The following CTNNA2 variants were observed in gnomAD, a reference collection of about 807,000 sequenced individuals.
CTNNA2 encodes catenin alpha-2.
A neutral mutation model predicts 101.0 loss-of-function variants in CTNNA2; 42 were observed. The ratio of observed to expected loss-of-function variants is 0.42; its 90% confidence interval spans 0.32 to 0.54. The LOEUF (loss-of-function observed/expected upper bound fraction) is 0.54, where lower values mean the gene tolerates loss of function less well. Ranked by LOEUF, CTNNA2 falls within the 20% of genes least tolerant of loss-of-function variation. The probability of loss-of-function intolerance (pLI) is 0.14; values close to 1 mark genes in which losing one functional copy is unlikely to be tolerated. For missense variants in CTNNA2, 871 were observed against 1,223.1 expected, an observed-to-expected ratio of 0.71 and a Z score of 4.29; for synonymous variants, 450 against 456.4, an observed-to-expected ratio of 0.99 and a Z score of 0.18.
intron 2 of CTNNA2, among the ~76,000 whole-genome samples, chr2:79,710,761 G>A (rs1573754157): frequency 6.6e-6 from 1 of 152,136 alleles, no homozygotes; most frequent in East Asian, 1.9e-4. Flanking sequence ...GTGCATATGA[G>A]CTGTCTGTGA....
intron 8 of CTNNA2, among the ~76,000 whole-genome samples, chr2:80,401,504 C>A (rs1321395812): frequency 2.0e-5 from 3 of 152,268 alleles, no homozygotes; most frequent in Non-Finnish European, 1.5e-5. Flanking sequence ...ATATTTGACT[C>A]CATTTTGGGA....
At chr2:79,527,474 CA>C (rs58822666) in intron 1 of CTNNA2, among the ~76,000 whole-genome samples, 927 of 85,190 alleles carry the variant, frequency 0.011, 7 homozygotes, top group Middle Eastern at 0.026. Context: ...ACTAAAAATA[CA>C]AAAAAAAAAA....
chr2:79,792,275 A>C (rs1448877737), intron 3 of CTNNA2, among the ~76,000 whole-genome samples: 1 of 152,220 alleles, frequency 6.6e-6, no homozygotes. Context: ...ATGTTTGCAT[A>C]GTAAACAGCC....
At chr2:79,664,902 G>A (rs915509334) in intron 2 of CTNNA2, among the ~76,000 whole-genome samples, 15 of 151,756 alleles carry the variant, frequency 9.9e-5, no homozygotes, top group Admixed American at 3.9e-4. Flanking sequence ...TAGTAGAAAC[G>A]GGGTTTCACC....
intron 7 of CTNNA2, among the ~76,000 whole-genome samples, chr2:80,284,873 A>T (rs890209819): frequency 1.6e-4 from 25 of 152,060 alleles, no homozygotes; most frequent in African/African-American, 5.8e-4. Flanking sequence ...GTTGTTTATT[A>T]CTCCACATGG....
intron 3 of CTNNA2, among the ~76,000 whole-genome samples, chr2:79,753,743 T>C (rs1672200926): frequency 6.6e-6 from 1 of 152,222 alleles, no homozygotes; most frequent in African/African-American, 2.4e-5. Context: ...GACCATTTCC[T>C]AAATGAAAGT....
At chr2:80,377,765 G>A (rs1424127899) in intron 7 of CTNNA2, among the ~76,000 whole-genome samples, 1 of 152,214 alleles carries the variant, frequency 6.6e-6, no homozygotes, top group Non-Finnish European at 1.5e-5. Flanking sequence ...GGCTTTCCAT[G>A]GCGACACATG....
chr2:80,334,860 A>C (rs942593801), intron 7 of CTNNA2, among the ~76,000 whole-genome samples: 19 of 152,322 alleles, frequency 1.2e-4, no homozygotes, highest in African/African-American at 3.6e-4. Flanking sequence ...TTTAATGTTA[A>C]AACCAGGAAT....
chr2:80,289,450 A>C (rs545545957), intron 7 of CTNNA2, among the ~76,000 whole-genome samples: 2 of 152,280 alleles, frequency 1.3e-5, no homozygotes, highest in South Asian at 4.1e-4. Flanking sequence ...TAGTGTTCTC[A>C]TTAAAGAAAC....
intron 7 of CTNNA2, among the ~76,000 whole-genome samples, chr2:80,054,155 G>A (rs1697060529): frequency 6.6e-6 from 1 of 152,174 alleles, no homozygotes; most frequent in South Asian, 2.1e-4. Context: ...ATCAGATGGG[G>A]GTTTGATTGA....
At chr2:79,656,598 T>C (rs762802649) in intron 2 of CTNNA2, among the ~76,000 whole-genome samples, 41 of 152,104 alleles carry the variant, frequency 2.7e-4, no homozygotes, top group Non-Finnish European at 4.7e-4. Flanking sequence ...TAATGATATA[T>C]ATGAGGCCTA....
intron 2 of CTNNA2, among the ~76,000 whole-genome samples, chr2:79,712,599 C>A (rs1243760755): frequency 6.6e-6 from 1 of 151,880 alleles, no homozygotes; most frequent in Non-Finnish European, 1.5e-5. Context: ...AGTGTAAATT[C>A]ATTATGCAAT....
At chr2:79,954,800 G>A (rs1689113914) in intron 7 of CTNNA2, among the ~76,000 whole-genome samples, 1 of 152,094 alleles carries the variant, frequency 6.6e-6, no homozygotes, top group Non-Finnish European at 1.5e-5. Context: ...TTAGACCTGT[G>A]GGTTTTTTTC....
At chr2:80,235,656 G>A (rs1709511008) in intron 7 of CTNNA2, among the ~76,000 whole-genome samples, 1 of 152,158 alleles carries the variant, frequency 6.6e-6, no homozygotes, top group Non-Finnish European at 1.5e-5. Flanking sequence ...TGAAAACCCA[G>A]AGGAGCCCTG....
At chr2:79,465,543 A>T (rs1251774041) in intron 4 of CTNNA2, among the ~76,000 whole-genome samples, 3 of 152,102 alleles carry the variant, frequency 2.0e-5, no homozygotes, top group Admixed American at 6.5e-5. Flanking sequence ...CTTGATGGGG[A>T]TGGCATTGAA....
chr2:79,802,010 AAAATG>A (rs1676201056), intron 3 of CTNNA2, among the ~76,000 whole-genome samples: 1 of 150,982 alleles, frequency 6.6e-6, no homozygotes, highest in East Asian at 2.0e-4. Flanking sequence ...AAAAAAAAAA[AAAATG>A]AAAAAAGAAA....
At chr2:79,526,285 T>A (rs1452192978) in intron 1 of CTNNA2, among the ~76,000 whole-genome samples, 1 of 151,978 alleles carries the variant, frequency 6.6e-6, no homozygotes, top group East Asian at 1.9e-4. Context: ...CTCAAGAAAA[T>A]GCAAATACTT....
In CTNNA2 at chr2:80,587,255, A is replaced by G. The variant is rs144695444; in HGVS notation, c.2008-2049A>G. Among the ~76,000 whole-genome samples, 4 of 152,228 alleles carry G rather than the reference A, an allele frequency of 2.6e-5. 1 individual carries two copies. The East Asian group carries it at 7.7e-4, about 29-fold the overall frequency. On this transcript the variant is annotated intron_variant, in intron 14 of 18. Coordinates refer to ENST00000402739, the MANE Select transcript of CTNNA2 (RefSeq NM_001282597.3). ...TGACATACATAAGCCTCAGCACAGT[A>G]CCCAGTACTTGTGGATATACATAAG... is the stretch of plus-strand genomic sequence containing the variant.
chr2:79,462,908 C>T (rs1044966182), intron 4 of CTNNA2, among the ~76,000 whole-genome samples: 5 of 152,138 alleles, frequency 3.3e-5, no homozygotes, highest in African/African-American at 1.2e-4. Flanking sequence ...TGAGTGGAAG[C>T]TGGGATGTGT....
Sources: gnomAD v4.1 joint callset for allele counts (sites outside exome capture counted in the v4.1 genomes callset) on GRCh38, gnomAD v4.1.1 for gene constraint, MANE v1.5 for transcripts, NCBI Gene and HGNC (gene_info 2026-07-23, HGNC 2026-07-21) for gene names.